The following LONP1 variants were observed in gnomAD, a reference collection of about 807,000 sequenced individuals.
The protein encoded by LONP1 is lon protease homolog, mitochondrial.
In LONP1, 31 loss-of-function variants were observed where a neutral mutation model predicts 98.5. The ratio of observed to expected loss-of-function variants is 0.31; its 90% CI spans 0.24 to 0.42. The LOEUF is 0.42. LONP1 is among the 20% of genes least tolerant of loss of function. LONP1 has a pLI of 1.00. For missense variants in LONP1, 1,336 were observed against 1,350.6 expected (o/e 0.99, Z 0.17); for synonymous variants, 781 against 594.7 (o/e 1.31, Z -4.56).
chr19:5,693,146 C>A, intron 17 of LONP1, 152 bp downstream of exon 17: 1 of 939,392 alleles, frequency 1.1e-6, no homozygotes, highest in Middle Eastern at 3.3e-4. Context: ...GGGCGGTGAG[C>A]TTAAGGCCAG....
At chr19:5,716,997 T>C (rs917923427) in intron 1 of LONP1, among the ~76,000 whole-genome samples, 3 of 152,190 alleles carry the variant, frequency 2.0e-5, no homozygotes, top group Non-Finnish European at 4.4e-5. Flanking sequence ...GGTTTCACCT[T>C]GTTAGCCAGT....
At chr19:5,698,642 G>A (rs2054986342) in intron 10 of LONP1, among the ~76,000 whole-genome samples, 1 of 152,182 alleles carries the variant, frequency 6.6e-6, no homozygotes, top group South Asian at 2.1e-4. Context: ...GGGGGGTGGA[G>A]CCGACCCCAC....
chr19:5,719,334 C>T (rs1029553368), intron 1 of LONP1, among the ~76,000 whole-genome samples: 1 of 152,200 alleles, frequency 6.6e-6, no homozygotes, highest in Non-Finnish European at 1.5e-5. Flanking sequence ...CGTAACCAGA[C>T]GGCAGAGCGC....
At chr19:5,712,223 C>T (rs993646892) in intron 3 of LONP1, among the ~76,000 whole-genome samples, 1 of 152,168 alleles carries the variant, frequency 6.6e-6, no homozygotes, top group Admixed American at 6.6e-5. Context: ...CAGATTCAGG[C>T]ATTCCCTGCA....
chr19:5,707,203 C>T (rs1335266342), intron 6 of LONP1, 60 bp from the exon 7 acceptor site: 16 of 1,429,320 alleles, frequency 1.1e-5, no homozygotes, highest in Middle Eastern at 1.7e-4. Flanking sequence ...TGTGTAGGGC[C>T]GAGGTTGGGG....
At chr19:5,707,603 C>A in intron 6 of LONP1, 94 bp downstream of exon 6, 1 of 1,383,992 alleles carries the variant, frequency 7.2e-7, no homozygotes, top group African/African-American at 1.4e-5. Context: ...CATGGGGGAG[C>A]TGAGGAGGAA....
intron 8 of LONP1, among the ~76,000 whole-genome samples, chr19:5,703,209 A>G (rs1344645681): frequency 6.6e-6 from 1 of 151,760 alleles, no homozygotes; most frequent in East Asian, 1.9e-4. Flanking sequence ...AAATTTACAA[A>G]CTGCCCTGTC....
intron 15 of LONP1, 85 bp from the exon 16 acceptor site, chr19:5,693,854 C>A (rs1472836256): frequency 1.8e-6 from 2 of 1,141,174 alleles, no homozygotes; most frequent in Admixed American, 4.1e-5. Context: ...ACTCTGACCG[C>A]TCCTGCCCCA....
At chr19:5,698,713 G>T (rs546999850) in intron 10 of LONP1, among the ~76,000 whole-genome samples, 36 of 152,352 alleles carry the variant, frequency 2.4e-4, no homozygotes, top group South Asian at 8.3e-4. Context: ...GCAAACGCCG[G>T]CCCTGCAGCT....
At chr19:5,692,352 G>C in intron 17 of LONP1, 144 bp from the exon 18 acceptor site, 1 of 703,882 alleles carries the variant, frequency 1.4e-6, no homozygotes, top group East Asian at 3.0e-5. Flanking sequence ...AACCCACCAG[G>C]GTCCCCGTCT....
chr19:5,712,171 G>T, intron 3 of LONP1, 169 bp from the exon 4 acceptor site: 1 of 592,242 alleles, frequency 1.7e-6, no homozygotes, highest in Admixed American at 3.0e-5. Context: ...CGCTTTCTCG[G>T]GGCCTCCCAA....
chr19:5,691,938 G>A lies in LONP1; in HGVS notation c.*94C>T, dbSNP rs563447250. On this transcript the variant is annotated 3_prime_UTR_variant, in exon 18 of 18. Transcript: ENST00000360614. ...CACTGGACCGAGCTGCTCGCTCGGT[G>A]GCTCCACTGCCAGGTCCGGGCGCGC... is the stretch of plus-strand genomic sequence containing the variant. 2.2e-5 allele frequency: 22 copies of A among 982,952 alleles called. No individual in the cohort carries two copies. In the African/African-American group the frequency reaches 2.8e-4, roughly 12 times the overall value. The allele number at this position is 982,952 out of a possible 1,614,324, so 60.9% of individuals were successfully genotyped here. A position where few individuals can be genotyped will look rare whatever the true frequency, so the allele number is the denominator to read the frequency against.
chr19:5,704,971 G>T (rs1477882839), intron 8 of LONP1, among the ~76,000 whole-genome samples: 1 of 151,644 alleles, frequency 6.6e-6, no homozygotes, highest in African/African-American at 2.4e-5. Flanking sequence ...GACCAACCTG[G>T]CCAACATGGC....
chr19:5,697,806 G>C (rs550247268), intron 10 of LONP1, among the ~76,000 whole-genome samples: 2 of 151,884 alleles, frequency 1.3e-5, no homozygotes, highest in Non-Finnish European at 2.9e-5. Flanking sequence ...TGCCCTCCCC[G>C]CAGCCCCGCT....
At position 5,691,922 on chromosome 19, in the gene LONP1, G is replaced by A. The variant is rs11551019; in HGVS notation, c.*110C>T. 34,825 of 1,285,064 alleles carry A rather than the reference G, an allele frequency of 0.027. 611 individuals are homozygous for A. Among genetic ancestry groups the A allele is most frequent in the Non-Finnish European group, 0.033 (30,922 of 933,550 alleles). The allele number at this position is 1,285,064 out of a possible 1,614,324, so 79.6% of individuals were successfully genotyped here. On this transcript the variant is annotated 3_prime_UTR_variant, in exon 18 of 18. Coordinates refer to ENST00000360614, the MANE Select transcript of LONP1 (RefSeq NM_004793.4). ...TCCCTGGGATCTGGGTCACTGGACC[G>A]AGCTGCTCGCTCGGTGGCTCCACTG...
intron 4 of LONP1, among the ~76,000 whole-genome samples, chr19:5,711,505 G>GCTGGAC (rs1410158974): frequency 6.6e-6 from 1 of 152,214 alleles, no homozygotes; most frequent in African/African-American, 2.4e-5. Context: ...ACGGGCTGGG[G>GCTGGAC]CTGGACCTGG....
upstream of LONP1, chr19:5,720,350 G>A (rs2055424504): frequency 2.8e-6 from 2 of 709,494 alleles, no homozygotes; most frequent in Non-Finnish European, 4.3e-6. Flanking sequence ...GGCCTTTTCC[G>A]GTCACGTGGA....
At chr19:5,701,948 G>A (rs1170143622) in intron 8 of LONP1, among the ~76,000 whole-genome samples, 4 of 148,986 alleles carry the variant, frequency 2.7e-5, no homozygotes, top group Non-Finnish European at 6.0e-5. Context: ...CCGCGACCCC[G>A]TCTGGGAGGG....
Position 5,707,160 on chromosome 19 carries a change from G to A in LONP1, c.1063-17C>T, listed in dbSNP as rs1290018807. On this transcript the variant is annotated splice_polypyrimidine_tract_variant and intron_variant, in intron 6 of 17. Transcript: ENST00000360614. ...CTTAGGAATCTGCCGAGACAGGGAGGACAGAAAGGATGAGCAGAAGTCGGC... is the reference window on the plus strand; with the variant it reads ...CTTAGGAATCTGCCGAGACAGGGAGAACAGAAAGGATGAGCAGAAGTCGGC... 13 of 1,608,020 alleles carry A rather than the reference G, an allele frequency of 8.1e-6. No individual in the cohort carries two copies. The highest frequency in any genetic ancestry group is 1.1e-5 in the Non-Finnish European group (13 of 1,175,838).
Sources: allele counts gnomAD v4.1 joint callset (sites outside exome capture counted in the v4.1 genomes callset), GRCh38; gene constraint gnomAD v4.1.1; transcripts MANE v1.5; gene names NCBI Gene and HGNC (gene_info 2026-07-23, HGNC 2026-07-21).